Variants in PRDM2 observed in about 807,000 individuals in gnomAD.
PRDM2 encodes the protein PR domain zinc finger protein 2.
A neutral mutation model predicts 130.0 loss-of-function variants in PRDM2; 30 were observed. That is an observed-to-expected ratio of 0.23 (90% CI 0.17 to 0.31). The LOEUF (loss-of-function observed/expected upper bound fraction) is 0.31, where lower values mean the gene tolerates loss of function less well. PRDM2 is among the 10% of genes least tolerant of loss of function. PRDM2 has a pLI of 1.00. For synonymous variants in PRDM2, 871 were observed against 782.4 expected (o/e 1.11, Z -1.89); for missense variants, 2,011 against 2,108.4 (o/e 0.95, Z 0.90).
chr1:13,798,308 T>G (rs964096592), intron 8 of PRDM2, among the ~76,000 whole-genome samples: 2 of 152,214 alleles, frequency 1.3e-5, no homozygotes, highest in African/African-American at 4.8e-5. Context: ...GTTGGGGCAA[T>G]TAACTGCTGG....
chr1:13,765,400 T>C (rs1015073898), intron 6 of PRDM2, among the ~76,000 whole-genome samples: 10 of 152,192 alleles, frequency 6.6e-5, no homozygotes, highest in Non-Finnish European at 1.2e-4. Flanking sequence ...TAGGCACATA[T>C]GCAGCAGAGC....
At chr1:13,776,323 G>A (rs558884916) in intron 7 of PRDM2, among the ~76,000 whole-genome samples, 1 of 152,256 alleles carries the variant, frequency 6.6e-6, no homozygotes, top group East Asian at 1.9e-4. Flanking sequence ...AGTCAGAATA[G>A]CTCTGCCTCC....
chr1:13,749,578 G>A (rs972367140), intron 6 of PRDM2, 91 bp downstream of exon 6: 35 of 888,438 alleles, frequency 3.9e-5, no homozygotes, highest in Middle Eastern at 5.8e-4. Context: ...GCCCGACCGC[G>A]AGGCGGGTCG....
chr1:13,778,450 T>C lies in PRDM2; in HGVS notation c.655T>C (p.Ser219Pro). Residue 219 changes from serine to proline, a missense_variant, in exon 8 of 10, where the codon TCA becomes CCA. Ser to Pro is a moderately conservative substitution (Grantham distance 74). Coordinates refer to ENST00000311066, the MANE Select transcript of PRDM2 (RefSeq NM_001393986.1). ...PKEDEEKPSA[S>P]ALEQPATLQE... The stretch of plus-strand genomic sequence containing the variant: ...AGAAGACGAAGAGAAGCCTTCAGCC[T>C]CAGCACTTGAGCAGCCGGCCACCCT... 1.2e-6 allele frequency: 2 copies of C among 1,612,922 alleles called. No individual in the cohort carries two copies. Among genetic ancestry groups the C allele is most frequent in the Non-Finnish European group, 8.5e-7 (1 of 1,179,598 alleles).
intron 8 of PRDM2, among the ~76,000 whole-genome samples, chr1:13,785,970 C>T (rs930088046): frequency 1.4e-4 from 21 of 151,572 alleles, no homozygotes; most frequent in Non-Finnish European, 2.7e-4. Flanking sequence ...TCCCGAGTAG[C>T]TGGGACTACA....
Position 13,806,288 on chromosome 1 carries a change from C to T in PRDM2, c.5037-10139C>T, listed in dbSNP as rs1645085803. 6.7e-6 allele frequency among the ~76,000 whole-genome samples: 1 copy of T among 150,114 alleles called. No homozygotes were observed. The highest frequency in any genetic ancestry group is 2.5e-5 in the African/African-American group (1 of 40,234). On this transcript the variant is annotated intron_variant, in intron 8 of 9. Transcript: ENST00000311066. This position sits in a 1 kb window ranked among gnomAD's most constrained non-coding sequence, Gnocchi z 4.1. ...CGCATCCCGCCTCCATCCCTGGGCT[C>T]TGTCCCCTCGCTCCGTCTCCGCTCC...
intron 4 of PRDM2, 140 bp from the exon 5 acceptor site, chr1:13,741,865 G>A (rs781531264): frequency 2.0e-5 from 12 of 615,232 alleles, no homozygotes; most frequent in Non-Finnish European, 3.0e-5. Flanking sequence ...TTTCTCTGTC[G>A]CTTGTTTTGT....
intron 5 of PRDM2, among the ~76,000 whole-genome samples, chr1:13,746,055 C>T (rs926653907): frequency 6.6e-6 from 1 of 152,162 alleles, no homozygotes; most frequent in East Asian, 1.9e-4. Flanking sequence ...CTTGCTTCTT[C>T]CTGATTTGTT....
At chr1:13,750,398 GT>G (rs542085989) in intron 6 of PRDM2, among the ~76,000 whole-genome samples, 6 of 143,130 alleles carry the variant, frequency 4.2e-5, no homozygotes, top group Admixed American at 1.4e-4. Flanking sequence ...TTGTTTTTTT[GT>G]TTTTTTTTTG....
At chr1:13,795,000 TAAAGAGA>T (rs1644900889) in intron 8 of PRDM2, among the ~76,000 whole-genome samples, 1 of 152,172 alleles carries the variant, frequency 6.6e-6, no homozygotes, top group Non-Finnish European at 1.5e-5. Context: ...CCATCAGAAC[TAAAGAGA>T]AGTGAGCTGT....
chr1:13,705,456 G>GGT (rs1414559713), intron 1 of PRDM2: 2 of 151,998 alleles, frequency 1.3e-5, no homozygotes, highest in East Asian at 3.9e-4. Context: ...TTGGTGGAAG[G>GGT]GGCCACTATG....
intron 1 of PRDM2, among the ~76,000 whole-genome samples, chr1:13,712,053 C>CA (rs5772549): frequency 0.06 from 5,007 of 83,508 alleles, 84 homozygotes; most frequent in Middle Eastern, 0.096. Flanking sequence ...CATCTCTACC[C>CA]AAAAAAAAAA....
Position 13,823,165 on chromosome 1 carries a change from A to C in PRDM2, c.*30A>C, listed in dbSNP as rs1645380808. 1.2e-6 allele frequency: 2 copies of C among 1,613,158 alleles called. No individual in the cohort carries two copies. Among genetic ancestry groups the C allele is most frequent in the Non-Finnish European group, 1.7e-6 (2 of 1,179,382 alleles). ...ATTTTCTTTTTCTCCTCAGCACCTG[A>C]AGTGACCTGGAATCAGTGAAGCCAA... On this transcript the variant is annotated 3_prime_UTR_variant, in exon 10 of 10. Coordinates refer to ENST00000311066, the MANE Select transcript of PRDM2 (RefSeq NM_001393986.1).
At chr1:13,747,499 G>T (rs919624954) in intron 5 of PRDM2, among the ~76,000 whole-genome samples, 1 of 152,008 alleles carries the variant, frequency 6.6e-6, no homozygotes, top group East Asian at 1.9e-4. Flanking sequence ...GATTTAACTG[G>T]TTCAAGAAGG....
At chr1:13,750,538 G>A (rs965193161) in intron 6 of PRDM2, among the ~76,000 whole-genome samples, 2 of 152,064 alleles carry the variant, frequency 1.3e-5, no homozygotes, top group Admixed American at 6.5e-5. Flanking sequence ...AACTCGATTT[G>A]GGAAAATGTT....
chr1:13,776,842 A>T (rs538971374), intron 7 of PRDM2, among the ~76,000 whole-genome samples: 1 of 152,204 alleles, frequency 6.6e-6, no homozygotes, highest in East Asian at 1.9e-4. Context: ...TCTGGGACAC[A>T]ATCCTCTCAT....
chr1:13,761,226 T>C (rs1267260800), intron 6 of PRDM2, among the ~76,000 whole-genome samples: 2 of 152,256 alleles, frequency 1.3e-5, no homozygotes, highest in Non-Finnish European at 2.9e-5. Context: ...ATGACAGTTA[T>C]AAGAGGATTT....
At chr1:13,789,050 G>A (rs1644796799) in intron 8 of PRDM2, among the ~76,000 whole-genome samples, 2 of 152,130 alleles carry the variant, frequency 1.3e-5, no homozygotes, top group African/African-American at 2.4e-5. Context: ...TGGGATGATG[G>A]CTCGGTCTCC....
intron 7 of PRDM2, among the ~76,000 whole-genome samples, chr1:13,774,916 C>T (rs184280781): frequency 0.014 from 2,125 of 150,192 alleles, 34 homozygotes; most frequent in South Asian, 0.083. Flanking sequence ...TGCAGTGAGC[C>T]GAGATCGTGC....
Sources: gnomAD v4.1 joint callset for allele counts (sites outside exome capture counted in the v4.1 genomes callset) on GRCh38, gnomAD v4.1.1 for gene constraint, Gnocchi (gnomAD v3.1) non-coding constraint, MANE v1.5 for transcripts, NCBI Gene and HGNC (gene_info 2026-07-23, HGNC 2026-07-21) for gene names.